The following VWF variants were observed in gnomAD, a reference collection of about 807,000 sequenced individuals.
VWF encodes Factor VIII related antigen.
VWF carries 176 observed loss-of-function variants against 308.6 expected under a neutral mutation model. That is an observed-to-expected ratio of 0.57 (90% CI 0.50 to 0.65). The LOEUF (loss-of-function observed/expected upper bound fraction) is 0.65. Among genes scored for constraint, VWF ranks in the 30% least tolerant of loss-of-function variants. The pLI is 0.00. For synonymous variants in VWF, 1,385 were observed against 1,443.4 expected, an observed-to-expected ratio of 0.96 and a Z score of 0.92; for missense variants, 3,146 against 3,648.2, an observed-to-expected ratio of 0.86 and a Z score of 3.55.
intron 18 of VWF, among the ~76,000 whole-genome samples, chr12:6,037,011 A>G (rs1192533684): frequency 6.6e-6 from 1 of 152,210 alleles, no homozygotes; most frequent in Non-Finnish European, 1.5e-5. Flanking sequence ...CCAGTATCCT[A>G]TGGTGCTATT....
chr12:6,012,359 C>T (rs1313580195), intron 32 of VWF, among the ~76,000 whole-genome samples: 3 of 152,138 alleles, frequency 2.0e-5, no homozygotes, highest in Non-Finnish European at 2.9e-5. Context: ...CCAACAACAG[C>T]GATAATATGG....
intron 6 of VWF, among the ~76,000 whole-genome samples, chr12:6,077,730 G>C (rs1944862116): frequency 6.6e-6 from 1 of 152,178 alleles, no homozygotes; most frequent in Non-Finnish European, 1.5e-5. Context: ...GGACCACTTA[G>C]GTCTCAGGTG....
intron 34 of VWF, among the ~76,000 whole-genome samples, chr12:5,999,611 G>T (rs1387424094): frequency 6.6e-6 from 1 of 151,888 alleles, no homozygotes; most frequent in Non-Finnish European, 1.5e-5. Context: ...GTCCATAAAA[G>T]CTTCTTCAAA....
rs147347176 is a variant in VWF, at chr12:6,088,828, T to C, written c.657+6632A>G. Among the ~76,000 whole-genome samples the C allele has an allele frequency of 9.2e-5, 14 of 152,304 alleles. No individual in the cohort carries two copies. In the East Asian group the frequency reaches 2.5e-3, roughly 27 times the overall value. ...TTTGAAAAGCTGAAAAAACTGCAAATTTGCATGCAATCAAACAAGGCCATT... is the reference window on the plus strand; with the variant it reads ...TTTGAAAAGCTGAAAAAACTGCAAACTTGCATGCAATCAAACAAGGCCATT... On this transcript the variant is annotated intron_variant, in intron 6 of 51. Transcript: ENST00000261405.
In VWF at chr12:6,075,641, G is replaced by A. The variant is rs1944834423; in HGVS notation, c.658-90C>T. On this transcript the variant is annotated intron_variant, in intron 6 of 51. Coordinates refer to ENST00000261405, the MANE Select transcript of VWF (RefSeq NM_000552.5). This position sits in a 1 kb window ranked among gnomAD's most constrained non-coding sequence, Gnocchi z 4.7. Reference sequence around the variant, plus strand: ...ACTTAGCCCTGCTAGGGAAACCAAGGCAGCTCCCTCAGCACCTGGGACAGG... The same window carrying A: ...ACTTAGCCCTGCTAGGGAAACCAAGACAGCTCCCTCAGCACCTGGGACAGG... 1.4e-6 allele frequency: 2 copies of A among 1,431,438 alleles called. No homozygotes were observed. The highest frequency in any genetic ancestry group is 1.2e-5 in the South Asian group (1 of 81,656). The allele number at this position is 1,431,438 out of a possible 1,614,324, so 88.7% of individuals were successfully genotyped here. A position where few individuals can be genotyped will look rare whatever the true frequency, so the allele number is the denominator to read the frequency against.
At chr12:6,070,994 C>G (rs1455051369) in intron 10 of VWF, among the ~76,000 whole-genome samples, 1 of 152,254 alleles carries the variant, frequency 6.6e-6, no homozygotes, top group African/African-American at 2.4e-5. Flanking sequence ...CATGACCATA[C>G]AGGCCTTACA....
intron 41 of VWF, 119 bp downstream of exon 41, chr12:5,983,031 T>A (rs1159548659): frequency 1.9e-6 from 2 of 1,057,302 alleles, no homozygotes; most frequent in African/African-American, 1.6e-5. Context: ...CCAACCCAGA[T>A]TCAGCTAGGT....
intron 40 of VWF, 87 bp downstream of exon 40, chr12:5,984,958 A>C (rs573453067): frequency 1.3e-4 from 185 of 1,430,506 alleles, no homozygotes; most frequent in Admixed American, 4.0e-4. Context: ...TGTGCCTGAG[A>C]ACAGAGACAC....
At chr12:5,983,974 G>A (rs199970098) in intron 40 of VWF, among the ~76,000 whole-genome samples, 13 of 133,038 alleles carry the variant, frequency 9.8e-5, no homozygotes, top group African/African-American at 1.9e-4. Context: ...ATGGATAGAT[G>A]GATAGATAGA....
chr12:5,960,533 A>G (rs770404279), intron 47 of VWF, among the ~76,000 whole-genome samples: 1 of 152,232 alleles, frequency 6.6e-6, no homozygotes, highest in Non-Finnish European at 1.5e-5. Flanking sequence ...AAAGCATTAA[A>G]GAGAAGAAAA....
intron 47 of VWF, among the ~76,000 whole-genome samples, chr12:5,967,188 A>T (rs952966117): frequency 3.3e-5 from 5 of 152,204 alleles, no homozygotes; most frequent in Admixed American, 2.0e-4. Flanking sequence ...GCTGTTTCTT[A>T]AAATACATAA....
chr12:5,999,356 AG>A (rs1295086118), intron 34 of VWF, among the ~76,000 whole-genome samples: 4 of 152,132 alleles, frequency 2.6e-5, no homozygotes. Context: ...AGAAATGGAA[AG>A]GTGCTTGGAA....
intron 38 of VWF, among the ~76,000 whole-genome samples, chr12:5,989,825 C>T (rs866036232): frequency 2.0e-5 from 3 of 152,160 alleles, no homozygotes; most frequent in African/African-American, 4.8e-5. Flanking sequence ...CATCACAGAA[C>T]GCCAAGGAAA....
rs1403649370 is a variant in VWF at position 6,092,622 on chromosome 12, T to TGAGAGAGAGAGAGTGA, written c.657+2837_657+2838insTCACTCTCTCTCTCTC. ...GCTAGTTAGTGAGTGAGTGAGAGTG[T>TGAGAGAGAGAGAGTGA]GTGTGTGTGTGTGTGTGTGTGTGTG... On this transcript the variant is annotated intron_variant, in intron 6 of 51. Transcript: ENST00000261405. 4.2e-3 allele frequency among the ~76,000 whole-genome samples: 383 copies of TGAGAGAGAGAGAGTGA among 91,524 alleles called. 10 individuals carry two copies. Among genetic ancestry groups the TGAGAGAGAGAGAGTGA allele is most frequent in the African/African-American group, 0.018 (335 of 18,908 alleles). The allele number at this position is 91,524 out of a possible 152,430, so 60.0% of individuals were successfully genotyped here. A position where few individuals can be genotyped will look rare whatever the true frequency, so the allele number is the denominator to read the frequency against.
intron 6 of VWF, among the ~76,000 whole-genome samples, chr12:6,076,387 G>A (rs796065713): frequency 6.6e-5 from 10 of 152,236 alleles, no homozygotes; most frequent in African/African-American, 1.2e-4. Flanking sequence ...GTTGGATTGC[G>A]TCTTAGGATG....
intron 15 of VWF, among the ~76,000 whole-genome samples, chr12:6,055,771 C>T (rs1046431754): frequency 3.3e-5 from 5 of 149,724 alleles, no homozygotes; most frequent in African/African-American, 9.9e-5. Flanking sequence ...TACACACACA[C>T]ACACACACAC....
chr12:5,985,493 T>G, intron 39 of VWF, 70 bp downstream of exon 39: 1 of 1,498,214 alleles, frequency 6.7e-7, no homozygotes, highest in Non-Finnish European at 9.2e-7. Context: ...GAGGTGAAGA[T>G]GGGTGGCTGG....
At chr12:5,964,875 C>G (rs1297401424) in intron 47 of VWF, among the ~76,000 whole-genome samples, 1 of 152,054 alleles carries the variant, frequency 6.6e-6, no homozygotes, top group East Asian at 1.9e-4. Context: ...GAAAATAAGC[C>G]GAAGGGGGCA....
Position 6,058,641 on chromosome 12 carries a change from A to G in VWF, c.1534-597T>C, listed in dbSNP as rs920739308. 6.6e-6 allele frequency among the ~76,000 whole-genome samples: 1 copy of G among 152,194 alleles called. No homozygotes were observed. Among genetic ancestry groups the G allele is most frequent in the African/African-American group, 2.4e-5 (1 of 41,454 alleles). On this transcript the variant is annotated intron_variant, in intron 13 of 51. Coordinates refer to ENST00000261405, the MANE Select transcript of VWF (RefSeq NM_000552.5). The surrounding 1 kb of genome is among the most constrained non-coding windows in gnomAD (Gnocchi z 4.9). ...TCAGGCCCTGGGCATCACTGAAGAG[A>G]AAGGGCCACGAGCCACAGAAGACTC...
Sources: gnomAD v4.1 joint callset for allele counts (sites outside exome capture counted in the v4.1 genomes callset) on GRCh38, gnomAD v4.1.1 for gene constraint, Gnocchi (gnomAD v3.1) non-coding constraint, MANE v1.5 for transcripts, NCBI Gene and HGNC (gene_info 2026-07-23, HGNC 2026-07-21) for gene names.